The following SRGAP3 variants were observed in gnomAD, a reference collection of about 807,000 sequenced individuals.
The protein encoded by SRGAP3 is SLIT-ROBO Rho GTPase activating protein 3.
In SRGAP3, 39 loss-of-function variants were observed where a neutral mutation model predicts 121.1. The observed-to-expected ratio is 0.32, with a 90% CI of 0.25 to 0.42. SRGAP3 has a LOEUF of 0.42. SRGAP3 is among the 10% of genes least tolerant of loss of function. The pLI is 1.00. For missense variants in SRGAP3, 1,213 were observed against 1,470.6 expected (o/e 0.82, Z 2.86); for synonymous variants, 601 against 570.0 (o/e 1.05, Z -0.77).
intron 4 of SRGAP3, among the ~76,000 whole-genome samples, chr3:9,079,322 C>T (rs1947128183): frequency 1.3e-5 from 2 of 152,282 alleles, no homozygotes; most frequent in South Asian, 2.1e-4. Flanking sequence ...CATGGGGTCC[C>T]CACATTCCTC....
chr3:9,303,216 GGA>G (rs1234880189), intron 3 of SRGAP3, among the ~76,000 whole-genome samples: 1 of 152,126 alleles, frequency 6.6e-6, no homozygotes, highest in Non-Finnish European at 1.5e-5. Flanking sequence ...CTTGAGGCCA[GGA>G]GTTCAAGACC....
At chr3:9,088,055 A>G (rs892682743) in intron 3 of SRGAP3, among the ~76,000 whole-genome samples, 1 of 152,194 alleles carries the variant, frequency 6.6e-6, no homozygotes, top group African/African-American at 2.4e-5. Context: ...ATGGTTCCAG[A>G]AACTACTGAA....
chr3:9,042,865 G>A (rs1356279369), intron 10 of SRGAP3, among the ~76,000 whole-genome samples: 1 of 152,208 alleles, frequency 6.6e-6, no homozygotes, highest in South Asian at 2.1e-4. Flanking sequence ...ACTCTTCTGT[G>A]TACTCAACAA....
intron 3 of SRGAP3, chr3:9,257,583 AAAT>A (rs1954158255): frequency 6.6e-6 from 1 of 152,166 alleles, no homozygotes; most frequent in African/African-American, 2.4e-5. Flanking sequence ...TGTTTGAAAA[AAAT>A]AATAATAACA....
chr3:9,225,177 G>A (rs971833458), intron 1 of SRGAP3, among the ~76,000 whole-genome samples: 1 of 152,158 alleles, frequency 6.6e-6, no homozygotes, highest in African/African-American at 2.4e-5. Context: ...AGAGAACAGT[G>A]CTTCACGTGA....
chr3:9,246,906 A>G (rs1167126409), intron 1 of SRGAP3, among the ~76,000 whole-genome samples: 1 of 152,178 alleles, frequency 6.6e-6, no homozygotes, highest in African/African-American at 2.4e-5. Context: ...TGTATTTCTG[A>G]TAAAACTCAG....
At chr3:8,989,301 G>A (rs150158585) in intron 21 of SRGAP3, among the ~76,000 whole-genome samples, 1 of 152,190 alleles carries the variant, frequency 6.6e-6, no homozygotes, top group African/African-American at 2.4e-5. Flanking sequence ...GTATGGGGGG[G>A]ACCAGCAGCT....
chr3:9,008,599 A>G (rs1477140430), intron 18 of SRGAP3, among the ~76,000 whole-genome samples: 1 of 152,142 alleles, frequency 6.6e-6, no homozygotes, highest in African/African-American at 2.4e-5. Context: ...GCAGAAGAAA[A>G]AAAGGAGGAA....
intron 1 of SRGAP3, among the ~76,000 whole-genome samples, chr3:9,194,783 G>T (rs946061835): frequency 5.3e-5 from 8 of 152,214 alleles, no homozygotes; most frequent in African/African-American, 1.9e-4. Flanking sequence ...CACAAGTCAG[G>T]ACGTGAATAA....
intron 1 of SRGAP3, among the ~76,000 whole-genome samples, chr3:9,333,029 A>G (rs1170979036): frequency 6.6e-6 from 1 of 152,238 alleles, no homozygotes; most frequent in East Asian, 1.9e-4. Context: ...GCAGGGGGAA[A>G]AAATACGCTA....
chr3:9,067,274 C>T (rs1195029182), intron 4 of SRGAP3, among the ~76,000 whole-genome samples: 1 of 151,872 alleles, frequency 6.6e-6, no homozygotes, highest in Non-Finnish European at 1.5e-5. Flanking sequence ...ATTTTTATGC[C>T]ATGTTTCTCC....
At chr3:9,095,458 T>G (rs979016995) in intron 3 of SRGAP3, among the ~76,000 whole-genome samples, 2 of 152,182 alleles carry the variant, frequency 1.3e-5, no homozygotes, top group Non-Finnish European at 2.9e-5. Flanking sequence ...TAAATTTCTG[T>G]AAACTAAGGT....
intron 21 of SRGAP3, among the ~76,000 whole-genome samples, chr3:8,987,997 C>T (rs887728380): frequency 6.6e-6 from 1 of 152,168 alleles, no homozygotes; most frequent in Non-Finnish European, 1.5e-5. Context: ...GTAATTACTG[C>T]CCCTCTACCA....
At chr3:9,047,336 T>G in intron 10 of SRGAP3, 55 bp downstream of exon 10, 7 of 1,564,266 alleles carry the variant, frequency 4.5e-6, no homozygotes, top group Non-Finnish European at 6.2e-6. Context: ...GGGGCCACAG[T>G]GAGAGCCAGT....
intron 3 of SRGAP3, among the ~76,000 whole-genome samples, chr3:9,104,353 G>A (rs901298101): frequency 7.2e-5 from 11 of 152,170 alleles, no homozygotes. Flanking sequence ...GCCATTTCAG[G>A]TGATTTTAAT....
chr3:9,073,612 C>T (rs1307631521), intron 4 of SRGAP3, among the ~76,000 whole-genome samples: 5 of 152,204 alleles, frequency 3.3e-5, no homozygotes, highest in Non-Finnish European at 4.4e-5. Flanking sequence ...ATCCCTAAGA[C>T]GGGCGTGGTC....
intron 6 of SRGAP3, 86 bp from the exon 7 acceptor site, chr3:9,058,558 A>G: frequency 2.2e-6 from 3 of 1,360,820 alleles, no homozygotes; most frequent in South Asian, 2.4e-5. Flanking sequence ...ACTTACAATT[A>G]CCTCCCTTTC....
At chr3:9,221,083 G>T (rs549768852) in intron 1 of SRGAP3, among the ~76,000 whole-genome samples, 2 of 152,250 alleles carry the variant, frequency 1.3e-5, no homozygotes, top group East Asian at 3.9e-4. Context: ...ACTTCCTCTT[G>T]CCTGTGTAGA....
chr3:9,143,671 T>A (rs1414881306), intron 1 of SRGAP3, among the ~76,000 whole-genome samples: 1 of 152,086 alleles, frequency 6.6e-6, no homozygotes, highest in Non-Finnish European at 1.5e-5. Context: ...AAAACCATGA[T>A]CATGACAAGG....
Sources: allele counts gnomAD v4.1 joint callset (sites outside exome capture counted in the v4.1 genomes callset), GRCh38; gene constraint gnomAD v4.1.1; transcripts MANE v1.5; gene names NCBI Gene and HGNC (gene_info 2026-07-23, HGNC 2026-07-21).